CREB1: variants seen among roughly 807,000 people sequenced by gnomAD.
CREB1 encodes the protein cyclic AMP-responsive element-binding protein 1.
Under a neutral mutation model 42.0 loss-of-function variants are expected in CREB1, and 2 were observed. The ratio of observed to expected loss-of-function variants is 0.05; its 90% CI spans 0.02 to 0.15. The LOEUF (loss-of-function observed/expected upper bound fraction) is 0.15. Among genes scored for constraint, CREB1 ranks in the 10% least tolerant of loss-of-function variants. The pLI is 1.00. For missense variants in CREB1, 199 were observed against 388.9 expected, an observed-to-expected ratio of 0.51 and a Z score of 4.11; for synonymous variants, 123 against 139.9, an observed-to-expected ratio of 0.88 and a Z score of 0.85.
chr2:207,578,969 G>A (rs1414218052), intron 7 of CREB1, among the ~76,000 whole-genome samples: 4 of 152,096 alleles, frequency 2.6e-5, no homozygotes, highest in African/African-American at 7.2e-5. Context: ...TTTTGTATTA[G>A]TAGAGACATG....
At position 207,529,982 on chromosome 2, in the gene CREB1, G is replaced by C. The variant is rs950406927; in HGVS notation, c.-161G>C. 6.4e-6 allele frequency: 1 copy of C among 156,020 alleles called. No homozygotes were observed. Among genetic ancestry groups the C allele is most frequent in the African/African-American group, 2.4e-5 (1 of 41,522 alleles). The allele number at this position is 156,020 out of a possible 1,614,324, so 9.7% of individuals were successfully genotyped here. On this transcript the variant is annotated 5_prime_UTR_variant, in exon 1 of 8. Coordinates refer to ENST00000353267, the MANE Select transcript of CREB1 (RefSeq NM_004379.5). ...TCCTCAGTCGGCGGCGGCTGCTGCTGCCTGTGGCCCGGGCGGCTGGGAGAA... is the reference window on the plus strand; with the variant it reads ...TCCTCAGTCGGCGGCGGCTGCTGCTCCCTGTGGCCCGGGCGGCTGGGAGAA...
In CREB1 at chr2:207,561,193, A is replaced by G. The variant is rs150504199; in HGVS notation, c.261+821A>G. Reference sequence around the variant, plus strand: ...CTAGGTCCTAGATTTGGAGAGAACTATTATTAGAAAGGAAGGTGAGAAATT... The same window carrying G: ...CTAGGTCCTAGATTTGGAGAGAACTGTTATTAGAAAGGAAGGTGAGAAATT... On this transcript the variant is annotated intron_variant, in intron 3 of 7. Transcript: ENST00000353267. 9.0e-6 allele frequency: 14 copies of G among 1,551,316 alleles called. No individual in the cohort carries two copies. In the African/African-American group the frequency reaches 1.6e-4, roughly 18 times the overall value.
At chr2:207,547,807 C>T (rs1229130546) in intron 1 of CREB1, among the ~76,000 whole-genome samples, 2 of 151,716 alleles carry the variant, frequency 1.3e-5, no homozygotes. Context: ...TACTTAATTT[C>T]AAACAAACAA....
At chr2:207,559,113 C>CTG (rs1220572007) in intron 2 of CREB1, 1 of 154,876 alleles carries the variant, frequency 6.5e-6, no homozygotes, top group Non-Finnish European at 1.4e-5. Context: ...TTTTCTCTCT[C>CTG]CCTACTTCAT....
chr2:207,547,638 A>G (rs1040718727), intron 1 of CREB1, among the ~76,000 whole-genome samples: 1 of 152,054 alleles, frequency 6.6e-6, no homozygotes, highest in African/African-American at 2.4e-5. Flanking sequence ...AGGGGAATGG[A>G]AAGAGATGAG....
chr2:207,583,378 C>G (rs1574921575), intron 7 of CREB1, among the ~76,000 whole-genome samples: 1 of 152,172 alleles, frequency 6.6e-6, no homozygotes, highest in Non-Finnish European at 1.5e-5. Flanking sequence ...ACTTCTTTCT[C>G]CGACAGAAAC....
Position 207,586,037 on chromosome 2 carries a change from T to G in CREB1, c.839+8382T>G, listed in dbSNP as rs1221745239. ...GAAGGTCATATGTACTAAAACAGTT[T>G]ATCCAAAAAGGCCTTTCTAAGACAC... is the stretch of plus-strand genomic sequence containing the variant. On this transcript the variant is annotated intron_variant, in intron 7 of 7. Coordinates refer to ENST00000353267, the MANE Select transcript of CREB1 (RefSeq NM_004379.5). 7.9e-5 allele frequency among the ~76,000 whole-genome samples: 12 copies of G among 152,110 alleles called. No individual in the cohort carries two copies. The East Asian group carries it at 2.3e-3, about 29-fold the overall frequency.
At chr2:207,564,539 T>C (rs1337245564) in intron 3 of CREB1, among the ~76,000 whole-genome samples, 1 of 151,804 alleles carries the variant, frequency 6.6e-6, no homozygotes, top group Non-Finnish European at 1.5e-5. Flanking sequence ...AAAAAAAATA[T>C]ATATCCAAAC....
chr2:207,584,429 C>T (rs948427030), intron 7 of CREB1, among the ~76,000 whole-genome samples: 1 of 152,016 alleles, frequency 6.6e-6, no homozygotes, highest in African/African-American at 2.4e-5. Context: ...GACGGAGTCT[C>T]CCTCTGTCAT....
intron 5 of CREB1, among the ~76,000 whole-genome samples, chr2:207,571,993 C>G (rs1322102133): frequency 2.0e-5 from 3 of 152,076 alleles, no homozygotes; most frequent in Non-Finnish European, 4.4e-5. Flanking sequence ...CGCTGGGAGG[C>G]CAAGGTGGTG....
rs1243149564 is a variant in CREB1 at position 207,602,405 on chromosome 2, CA to C, written c.*5349del. On this transcript the variant is annotated 3_prime_UTR_variant, in exon 8 of 8. Transcript: ENST00000353267. ...ATACATTTTTAATTATTCTCACCAGCAAGTAAAAGGAAAATGAACAATCTTT... is the reference window on the plus strand; with the variant it reads ...ATACATTTTTAATTATTCTCACCAGCAGTAAAAGGAAAATGAACAATCTTT... 2 of 201,484 alleles carry C rather than the reference CA, an allele frequency of 9.9e-6. No homozygotes were observed. Among genetic ancestry groups the C allele is most frequent in the Non-Finnish European group, 2.0e-5 (2 of 98,010 alleles). 12.5% of individuals were successfully genotyped at this position (201,484 alleles called of 1,614,324 possible).
At chr2:207,593,859 C>A (rs2085574451) in intron 7 of CREB1, among the ~76,000 whole-genome samples, 1 of 151,890 alleles carries the variant, frequency 6.6e-6, no homozygotes, top group Non-Finnish European at 1.5e-5. Context: ...GCTGGGATTA[C>A]AGGCACCTGC....
intron 1 of CREB1, among the ~76,000 whole-genome samples, chr2:207,548,766 T>TC (rs537288630): frequency 7.9e-5 from 12 of 151,764 alleles, no homozygotes; most frequent in Non-Finnish European, 1.2e-4. Flanking sequence ...CCTCCCCCGC[T>TC]CCCCCCCAAA....
chr2:207,571,957 C>A (rs949265699), intron 5 of CREB1, among the ~76,000 whole-genome samples: 1 of 152,074 alleles, frequency 6.6e-6, no homozygotes, highest in Non-Finnish European at 1.5e-5. Flanking sequence ...AGCCAGGCGC[C>A]GTGGCTCTCG....
chr2:207,581,328 C>T (rs1345160092), intron 7 of CREB1: 1 of 197,510 alleles, frequency 5.1e-6, no homozygotes, highest in Non-Finnish European at 1.0e-5. Context: ...TAAAATATAT[C>T]CATTCAACTA....
intron 1 of CREB1, among the ~76,000 whole-genome samples, chr2:207,530,934 CT>C (rs2080592072): frequency 6.7e-6 from 1 of 149,416 alleles, no homozygotes; most frequent in African/African-American, 2.5e-5. Context: ...AGAGCTTGTG[CT>C]TTTGGGGGGA....
chr2:207,559,258 A>G (rs1487776163), intron 2 of CREB1: 2 of 964,210 alleles, frequency 2.1e-6, no homozygotes, highest in African/African-American at 1.8e-5. Flanking sequence ...TCTTCCCTGT[A>G]AGTAATAATA....
At position 207,575,307 on chromosome 2, in the gene CREB1, A is replaced by G. The variant is rs1308931464; in HGVS notation, c.541A>G (p.Asn181Asp). 6.2e-7 allele frequency: 1 copy of G among 1,614,116 alleles called. No individual in the cohort carries two copies. The highest frequency in any genetic ancestry group is 1.7e-5 in the Admixed American group (1 of 60,026). ...ITQGGAIQLA[N>D]NGTDGVQGLQ... ...CCAGGGAGGAGCAATACAGCTGGCT[A>G]ACAATGGTACCGATGGGGTACAGGG... Residue 181 changes from asparagine to aspartate, a missense_variant, in exon 6 of 8, where the codon AAC (asparagine) becomes GAC (aspartate). Asn to Asp is a conservative substitution (Grantham distance 23). Coordinates refer to ENST00000353267, the MANE Select transcript of CREB1 (RefSeq NM_004379.5).
At chr2:207,531,702 A>G (rs1157208560) in intron 1 of CREB1, among the ~76,000 whole-genome samples, 3 of 152,238 alleles carry the variant, frequency 2.0e-5, no homozygotes, top group South Asian at 2.1e-4. Flanking sequence ...AAAGACGAAC[A>G]AGTTTGTTTT....
Sources: gnomAD v4.1 joint callset for allele counts (sites outside exome capture counted in the v4.1 genomes callset) on GRCh38, gnomAD v4.1.1 for gene constraint, MANE v1.5 for transcripts, NCBI Gene and HGNC (gene_info 2026-07-23, HGNC 2026-07-21) for gene names.